Variants in PRELID2 observed in about 807,000 individuals in gnomAD.
The protein encoded by PRELID2 is PRELI domain containing 2.
In PRELID2, 25 loss-of-function variants were observed where a neutral mutation model predicts 28.4. That is an observed-to-expected ratio of 0.88 (90% CI 0.64 to 1.23). PRELID2 has a LOEUF of 1.23. Ranked by LOEUF, PRELID2 falls within the 50% of genes most tolerant of loss-of-function variation. PRELID2 has a pLI of 0.00. For synonymous variants in PRELID2, 76 were observed against 71.6 expected, an observed-to-expected ratio of 1.06 and a Z score of -0.31; for missense variants, 201 against 214.4, an observed-to-expected ratio of 0.94 and a Z score of 0.39.
At chr5:145,354,211 G>C in the PRELID2 span, among the ~76,000 whole-genome samples, 3 of 151,346 alleles carry the variant, frequency 2.0e-5, no homozygotes, top group African/African-American at 7.4e-5. Context: ...GACTTTCCTT[G>C]AGAAGGCACA....
the PRELID2 span, among the ~76,000 whole-genome samples, chr5:145,414,200 G>T: frequency 1.3e-5 from 2 of 152,192 alleles, no homozygotes; most frequent in Non-Finnish European, 2.9e-5. Flanking sequence ...CAGAGAAATT[G>T]ACTGTTTGTT....
intron 5 of PRELID2, among the ~76,000 whole-genome samples, chr5:145,769,231 AT>A (rs555098970): frequency 1.3e-5 from 2 of 151,780 alleles, no homozygotes; most frequent in Admixed American, 6.6e-5. Flanking sequence ...CCCCTCTGAG[AT>A]TTTTTTTTCT....
the PRELID2 span, among the ~76,000 whole-genome samples, chr5:145,231,247 C>T: frequency 1.3e-5 from 2 of 151,410 alleles, no homozygotes; most frequent in Admixed American, 6.6e-5. Context: ...TGACTTTTGA[C>T]ATTATATTAT....
the PRELID2 span, among the ~76,000 whole-genome samples, chr5:145,266,766 AT>A: frequency 1.3e-5 from 2 of 152,182 alleles, no homozygotes; most frequent in South Asian, 4.1e-4. Context: ...ACAATTTACA[AT>A]TGCAAATATA....
the PRELID2 span, among the ~76,000 whole-genome samples, chr5:145,269,414 A>C: frequency 2.0e-5 from 3 of 152,018 alleles, no homozygotes; most frequent in African/African-American, 7.2e-5. Flanking sequence ...TTTCCAACTA[A>C]AGATACTGGA....
At chr5:145,569,991 C>T (rs1561508119) in intron 1 of PRELID2, among the ~76,000 whole-genome samples, 1 of 152,134 alleles carries the variant, frequency 6.6e-6, no homozygotes, top group Non-Finnish European at 1.5e-5. Context: ...AAGGTGTTGG[C>T]CAGGTGGATT....
chr5:145,349,242 C>T, the PRELID2 span, among the ~76,000 whole-genome samples: 2 of 151,884 alleles, frequency 1.3e-5, no homozygotes, highest in East Asian at 3.9e-4. Flanking sequence ...TCAACTAAAC[C>T]CCCTTTTTGA....
chr5:145,676,431 C>T (rs111250646), intron 1 of PRELID2, among the ~76,000 whole-genome samples: 4,276 of 150,614 alleles, frequency 0.028, 183 homozygotes, highest in African/African-American at 0.095. Flanking sequence ...CCTAGCCACT[C>T]GGGAGGCTGA....
chr5:145,273,288 C>T, the PRELID2 span, among the ~76,000 whole-genome samples: 1 of 152,152 alleles, frequency 6.6e-6, no homozygotes, highest in Non-Finnish European at 1.5e-5. Context: ...AGATGTTCCT[C>T]TCTGGCTGGA....
At chr5:145,291,480 C>CT in the PRELID2 span, among the ~76,000 whole-genome samples, 5 of 151,914 alleles carry the variant, frequency 3.3e-5, no homozygotes, top group African/African-American at 1.2e-4. Flanking sequence ...AAGGTGCCTC[C>CT]TAGCAGCTTC....
At chr5:145,523,254 C>G (rs1194744075) in intron 1 of PRELID2, among the ~76,000 whole-genome samples, 1 of 152,096 alleles carries the variant, frequency 6.6e-6, no homozygotes, top group Non-Finnish European at 1.5e-5. Flanking sequence ...CTAACAGATG[C>G]AATCGGAGGA....
chr5:145,619,369 G>A (rs1444482134), intron 1 of PRELID2, among the ~76,000 whole-genome samples: 1 of 152,202 alleles, frequency 6.6e-6, no homozygotes, highest in South Asian at 2.1e-4. Flanking sequence ...AGCTCCCAGG[G>A]CCTTTTCCAC....
chr5:145,625,693 G>A (rs1753835888), intron 1 of PRELID2, among the ~76,000 whole-genome samples: 1 of 152,126 alleles, frequency 6.6e-6, no homozygotes, highest in Admixed American at 6.5e-5. Context: ...ACTGAAGGAA[G>A]AACCAAATAG....
Position 145,819,936 on chromosome 5 carries a change from T to G in PRELID2, c.207+9A>C. The G allele has an allele frequency of 6.5e-7, 1 of 1,534,178 alleles. No homozygotes were observed. The highest frequency in any genetic ancestry group is 9.0e-7 in the Non-Finnish European group (1 of 1,113,128). The stretch of plus-strand genomic sequence containing the variant: ...TTACAACTGTGATTACATTTTAAAA[T>G]GAACTTACCTTCCTTAAAATTTCTG... On this transcript the variant is annotated intron_variant, in intron 3 of 6. Coordinates refer to ENST00000683046, the MANE Select transcript of PRELID2 (RefSeq NM_205846.3).
chr5:145,316,326 AC>A, the PRELID2 span, among the ~76,000 whole-genome samples: 1 of 152,202 alleles, frequency 6.6e-6, no homozygotes, highest in Non-Finnish European at 1.5e-5. Flanking sequence ...CCATTGATAA[AC>A]CAGTGACATT....
At chr5:145,681,723 A>C (rs530709285) in intron 1 of PRELID2, among the ~76,000 whole-genome samples, 1 of 152,274 alleles carries the variant, frequency 6.6e-6, no homozygotes, top group Admixed American at 6.5e-5. Context: ...TCCTGCCTTG[A>C]CTATCCTATC....
chr5:145,246,704 G>A, the PRELID2 span, among the ~76,000 whole-genome samples: 1 of 152,104 alleles, frequency 6.6e-6, no homozygotes, highest in Non-Finnish European at 1.5e-5. Context: ...ACTGCTCTAC[G>A]AGACGGAAAC....
chr5:145,467,495 A>AAAT (rs534735032), downstream of PRELID2, among the ~76,000 whole-genome samples: 31 of 152,328 alleles, frequency 2.0e-4, no homozygotes, highest in East Asian at 2.3e-3. Context: ...CATATTTTTA[A>AAAT]AATAAAATGT....
At chr5:145,634,408 T>A (rs555004407) in intron 1 of PRELID2, among the ~76,000 whole-genome samples, 2 of 152,314 alleles carry the variant, frequency 1.3e-5, no homozygotes, top group African/African-American at 4.8e-5. Context: ...ACACCTCGCA[T>A]TCAATGCTCA....
Sources: gnomAD v4.1 joint callset for allele counts (sites outside exome capture counted in the v4.1 genomes callset) on GRCh38, gnomAD v4.1.1 for gene constraint, MANE v1.5 for transcripts, NCBI Gene and HGNC (gene_info 2026-07-23, HGNC 2026-07-21) for gene names.